GRIP1: variants seen among roughly 807,000 people sequenced by gnomAD.
GRIP1 encodes the protein glutamate receptor interacting protein 1, also known as glutamate receptor-interacting protein 1.
Under a neutral mutation model 129.9 loss-of-function variants are expected in GRIP1, and 45 were observed. That is an observed-to-expected ratio of 0.35 (90% CI 0.27 to 0.44). The LOEUF (loss-of-function observed/expected upper bound fraction) is 0.44, where lower values mean the gene tolerates loss of function less well. Ranked by LOEUF, GRIP1 falls within the 20% of genes least tolerant of loss-of-function variation. The pLI is 1.00. For missense variants in GRIP1, 1,196 were observed against 1,396.8 expected (o/e 0.86, Z 2.29); for synonymous variants, 530 against 520.8 (o/e 1.02, Z -0.24).
chr12:66,895,032 C>T (rs2137246010), intron 1 of GRIP1, among the ~76,000 whole-genome samples: 1 of 152,284 alleles, frequency 6.6e-6, no homozygotes, highest in South Asian at 2.1e-4. Flanking sequence ...CCTGGAACCC[C>T]CAATGTGCCA....
chr12:66,841,963 C>A (rs1323434042), intron 1 of GRIP1, among the ~76,000 whole-genome samples: 1 of 152,092 alleles, frequency 6.6e-6, no homozygotes, highest in Non-Finnish European at 1.5e-5. Flanking sequence ...AGCTTCATAA[C>A]CCTGGCTATT....
At chr12:66,610,605 A>G (rs907283035) in intron 1 of GRIP1, among the ~76,000 whole-genome samples, 14 of 152,158 alleles carry the variant, frequency 9.2e-5, no homozygotes, top group African/African-American at 3.4e-4. Context: ...TGTCCTTTAT[A>G]TAATTCATGG....
At chr12:66,501,812 CA>C (rs1297770936) in intron 7 of GRIP1, among the ~76,000 whole-genome samples, 1 of 152,138 alleles carries the variant, frequency 6.6e-6, no homozygotes, top group African/African-American at 2.4e-5. Context: ...ACCAACTTCC[CA>C]TTAATTTAGT....
At chr12:66,972,337 G>A (rs538644635) in intron 1 of GRIP1, among the ~76,000 whole-genome samples, 6 of 152,308 alleles carry the variant, frequency 3.9e-5, no homozygotes, top group Admixed American at 2.0e-4. Context: ...GCACTGAACA[G>A]TTAAAATTAA....
chr12:66,556,949 A>T (rs1017057275), intron 2 of GRIP1, among the ~76,000 whole-genome samples: 4 of 152,130 alleles, frequency 2.6e-5, no homozygotes, highest in African/African-American at 9.7e-5. Context: ...CAAAACTAAT[A>T]ACAAAATGGC....
chr12:66,726,731 G>A (rs1425297389), intron 1 of GRIP1, among the ~76,000 whole-genome samples: 5 of 152,182 alleles, frequency 3.3e-5, no homozygotes, highest in African/African-American at 1.2e-4. Flanking sequence ...CTGTTGAGCA[G>A]GGTATTTTTA....
chr12:66,739,789 T>C (rs1036485282), intron 1 of GRIP1, among the ~76,000 whole-genome samples: 8 of 152,118 alleles, frequency 5.3e-5, no homozygotes, highest in Admixed American at 5.2e-4. Context: ...CCCCTCTTTC[T>C]AACCTGAAAC....
At position 66,930,892 on chromosome 12, in the gene GRIP1, C is replaced by G. The variant is rs191525345; in HGVS notation, c.58+138158G>C. On this transcript the variant is annotated intron_variant, in intron 1 of 1. Coordinates refer to the GRIP1 transcript ENST00000643019. The stretch of plus-strand genomic sequence containing the variant: ...AGCAGATTGAATCCCAGACTTAAAG[C>G]AAAGGGAAGATACATGTGCTGTATC... 1.0e-3 allele frequency among the ~76,000 whole-genome samples: 153 copies of G among 152,226 alleles called. 1 individual carries two copies. The highest frequency in any genetic ancestry group is 3.3e-3 in the African/African-American group (138 of 41,554).
chr12:66,997,464 T>G (rs2042485202), intron 1 of GRIP1, among the ~76,000 whole-genome samples: 1 of 151,872 alleles, frequency 6.6e-6, no homozygotes, highest in African/African-American at 2.4e-5. Flanking sequence ...GGTAGTAAAA[T>G]TAAAAAGTGC....
chr12:66,851,895 C>T (rs1665581308), intron 1 of GRIP1, among the ~76,000 whole-genome samples: 1 of 152,082 alleles, frequency 6.6e-6, no homozygotes, highest in Admixed American at 6.6e-5. Flanking sequence ...TAAGTTCTGT[C>T]ATTTTTACAG....
intron 1 of GRIP1, among the ~76,000 whole-genome samples, chr12:66,968,046 C>G (rs2042021772): frequency 6.6e-6 from 1 of 152,146 alleles, no homozygotes; most frequent in African/African-American, 2.4e-5. Context: ...TTGAAGTCCA[C>G]AGCTACAATA....
intron 5 of GRIP1, among the ~76,000 whole-genome samples, chr12:66,524,465 G>T (rs2061148335): frequency 6.6e-6 from 1 of 152,052 alleles, no homozygotes. Flanking sequence ...AAACAAAGAT[G>T]TTCTTTGAAA....
At chr12:66,848,603 A>C (rs969084745) in intron 1 of GRIP1, among the ~76,000 whole-genome samples, 2 of 152,144 alleles carry the variant, frequency 1.3e-5, no homozygotes, top group Non-Finnish European at 2.9e-5. Flanking sequence ...TATGGCATAA[A>C]ACAATGAGCT....
chr12:66,394,412 G>A, intron 16 of GRIP1, 60 bp from the exon 17 acceptor site: 2 of 1,353,660 alleles, frequency 1.5e-6, no homozygotes, highest in Non-Finnish European at 2.1e-6. Flanking sequence ...AGAGTAAGAT[G>A]CATAGATTCA....
chr12:66,585,553 C>T (rs2063595865), intron 2 of GRIP1, among the ~76,000 whole-genome samples: 1 of 141,104 alleles, frequency 7.1e-6, no homozygotes, highest in African/African-American at 2.6e-5. Context: ...AATAATGCCG[C>T]AATAAAAATA....
intron 1 of GRIP1, among the ~76,000 whole-genome samples, chr12:66,781,528 G>C (rs1347618185): frequency 1.3e-5 from 2 of 152,050 alleles, no homozygotes; most frequent in Non-Finnish European, 2.9e-5. Flanking sequence ...TATACACAAT[G>C]TTTTCTTATT....
chr12:66,554,964 G>A (rs992414048), intron 2 of GRIP1, among the ~76,000 whole-genome samples: 2 of 152,172 alleles, frequency 1.3e-5, no homozygotes, highest in Non-Finnish European at 2.9e-5. Flanking sequence ...GGATCCAGAG[G>A]AACTCTCTAC....
At chr12:66,642,075 C>A (rs536213314) in intron 1 of GRIP1, among the ~76,000 whole-genome samples, 169 of 152,170 alleles carry the variant, frequency 1.1e-3, no homozygotes, top group Middle Eastern at 3.4e-3. Context: ...TTATCAGTCT[C>A]GTGGGGGAGA....
chr12:66,522,984 G>A (rs2061075790), intron 5 of GRIP1, among the ~76,000 whole-genome samples: 1 of 152,114 alleles, frequency 6.6e-6, no homozygotes, highest in Admixed American at 6.5e-5. Context: ...AGAGAAAAAA[G>A]AATAAAAAGA....
Sources: gnomAD v4.1 joint callset for allele counts (sites outside exome capture counted in the v4.1 genomes callset) on GRCh38, gnomAD v4.1.1 for gene constraint, MANE v1.5 for transcripts, NCBI Gene and HGNC (gene_info 2026-07-23, HGNC 2026-07-21) for gene names.